MYO1C: variants seen among roughly 807,000 people sequenced by gnomAD.
MYO1C encodes the protein myosin IC.
MYO1C carries 104 observed loss-of-function variants against 150.8 expected under a neutral mutation model. That is an observed-to-expected ratio of 0.69 (90% CI 0.59 to 0.81). The LOEUF (loss-of-function observed/expected upper bound fraction) is 0.81, where lower values mean the gene tolerates loss of function less well. Among genes scored for constraint, MYO1C ranks in the 30% least tolerant of loss-of-function variants. MYO1C has a pLI of 0.00. For synonymous variants in MYO1C, 663 were observed against 579.9 expected (o/e 1.14, Z -2.06); for missense variants, 1,504 against 1,435.0 (o/e 1.05, Z -0.78).
At position 1,492,653 on chromosome 17, in the gene MYO1C, G is replaced by A; in HGVS notation, c.-166C>T. ...AGCCCCAGGGGATGTGGCTGGTCCAGCTCCTCAGGACACGGCTGGAGCCGT... is the reference window on the plus strand; with the variant it reads ...AGCCCCAGGGGATGTGGCTGGTCCAACTCCTCAGGACACGGCTGGAGCCGT... On this transcript the variant is annotated 5_prime_UTR_variant, in exon 1 of 32. Transcript: ENST00000648651. The A allele has an allele frequency of 2.9e-6, 2 of 688,206 alleles. No homozygotes were observed. Among genetic ancestry groups the A allele is most frequent in the Non-Finnish European group, 5.2e-6 (2 of 388,170 alleles). The allele number at this position is 688,206 out of a possible 1,614,324, so 42.6% of individuals were successfully genotyped here.
At chr17:1,485,470 T>G in intron 1 of MYO1C, 1 of 635,008 alleles carries the variant, frequency 1.6e-6, no homozygotes, top group Non-Finnish European at 2.1e-6. Context: ...GGGTCAGGGG[T>G]CTCCGCGTTC....
chr17:1,474,868 G>A lies in MYO1C; in HGVS notation c.1670-10C>T. On this transcript the variant is annotated splice_polypyrimidine_tract_variant and intron_variant, in intron 15 of 31. Transcript: ENST00000648651. ...TTTTTGTCCAGAAACCCTGGGAGGG[G>A]AGAACCGACGTGAGGTGAGACAGAG... 6.2e-7 allele frequency: 1 copy of A among 1,614,108 alleles called. No homozygotes were observed. The highest frequency in any genetic ancestry group is 8.5e-7 in the Non-Finnish European group (1 of 1,179,990).
chr17:1,468,542 C>T (rs1475483199), intron 25 of MYO1C, 46 bp from the exon 26 acceptor site: 1 of 1,514,384 alleles, frequency 6.6e-7, no homozygotes. Context: ...TGGGGAGCAC[C>T]ATCTTGGGGG....
rs746482275 is a variant in MYO1C, at chr17:1,468,046, G to T, written c.2838C>A (p.Ala946=). ...RSRQLLLTPN[A]VVIVEDAKVK... ...CTTTGGCGTCCTCCACGATGACGAC[G>T]GCGTTGGGCGTGAGCAGCAGCTGCC... The change falls in exon 28 of 32, where the codon GCC becomes GCA. Residue 946 remains alanine, a synonymous_variant. Coordinates refer to ENST00000648651, the MANE Select transcript of MYO1C (RefSeq NM_001080779.2). 19 of 1,613,068 alleles carry T rather than the reference G, an allele frequency of 1.2e-5. No individual in the cohort carries two copies. Among genetic ancestry groups the T allele is most frequent in the Middle Eastern group, 3.3e-4 (2 of 6,084 alleles).
At chr17:1,483,218 C>T (rs1053023074) in intron 3 of MYO1C, among the ~76,000 whole-genome samples, 159 bp from the exon 4 acceptor site, 10 of 151,760 alleles carry the variant, frequency 6.6e-5, no homozygotes, top group African/African-American at 7.3e-5. Context: ...ATGGGAGATC[C>T]GTCATAGCTG....
At chr17:1,488,080 C>A (rs535161542) in intron 1 of MYO1C, among the ~76,000 whole-genome samples, 3 of 152,076 alleles carry the variant, frequency 2.0e-5, no homozygotes, top group South Asian at 4.2e-4. Context: ...GTGGGGGACT[C>A]GGGCCGGGGG....
intron 17 of MYO1C, among the ~76,000 whole-genome samples, chr17:1,474,306 T>TATAC (rs1179643138): frequency 6.6e-6 from 1 of 151,520 alleles, no homozygotes; most frequent in Non-Finnish European, 1.5e-5. Flanking sequence ...CAGGCGCCTG[T>TATAC]AATCCCAGCT....
At chr17:1,492,068 G>T in intron 1 of MYO1C, 1 of 362,942 alleles carries the variant, frequency 2.8e-6, no homozygotes, top group Non-Finnish European at 5.3e-6. Flanking sequence ...GGACTGGAGA[G>T]GAGCGGGGCG....
At position 1,470,416 on chromosome 17, in the gene MYO1C, A is replaced by C. The variant is rs2074276667; in HGVS notation, c.2366+19T>G. ...CCACGCCCTGCTCTGCAGCCCCCAC[A>C]AGGCACCCTGGCGCTCACCGCCGGA... On this transcript the variant is annotated intron_variant, in intron 23 of 31. Coordinates refer to ENST00000648651, the MANE Select transcript of MYO1C (RefSeq NM_001080779.2). 6.5e-7 allele frequency: 1 copy of C among 1,549,992 alleles called. No homozygotes were observed. Among genetic ancestry groups the C allele is most frequent in the Admixed American group, 2.0e-5 (1 of 50,980 alleles).
chr17:1,470,172 G>C lies in MYO1C; in HGVS notation c.2526+3C>G. On this transcript the variant is annotated splice_donor_region_variant and intron_variant, in intron 24 of 31. Coordinates refer to ENST00000648651, the MANE Select transcript of MYO1C (RefSeq NM_001080779.2). ...CCTAACTTGGCAGGGGGTGCCCACA[G>C]ACCTCACGCAGGGCAGGTGGGGGCG... The C allele has an allele frequency of 6.2e-7, 1 of 1,608,172 alleles. No homozygotes were observed. The highest frequency in any genetic ancestry group is 2.2e-5 in the East Asian group (1 of 44,852).
chr17:1,474,601 C>T lies in MYO1C; in HGVS notation c.1797+9G>A, dbSNP rs2074365346. 2 of 1,613,638 alleles carry T rather than the reference C, an allele frequency of 1.2e-6. No homozygotes were observed. The highest frequency in any genetic ancestry group is 8.5e-7 in the Non-Finnish European group (1 of 1,179,876). ...TGCACCCCTGCGCCCGGTCCCGCCA[C>T]CTCCTCACCGTCTCTGGCCGCTTCT... On this transcript the variant is annotated intron_variant, in intron 17 of 31. Coordinates refer to ENST00000648651, the MANE Select transcript of MYO1C (RefSeq NM_001080779.2).
At chr17:1,467,089 C>T (rs1412295221) in intron 31 of MYO1C, among the ~76,000 whole-genome samples, 153 bp downstream of exon 31, 5 of 152,214 alleles carry the variant, frequency 3.3e-5, no homozygotes, top group Non-Finnish European at 7.3e-5. Context: ...GGGGCTCTCT[C>T]TGGCCCTCAT....
rs898543514 is a variant in MYO1C at position 1,464,263 on chromosome 17, G to A, written c.*1463C>T. 10 of 152,698 alleles carry A rather than the reference G, an allele frequency of 6.5e-5. No homozygotes were observed. The highest frequency in any genetic ancestry group is 2.2e-4 in the African/African-American group (9 of 41,456). The allele number at this position is 152,698 out of a possible 1,614,324, so 9.5% of individuals were successfully genotyped here. A position where few individuals can be genotyped will look rare whatever the true frequency, so the allele number is the denominator to read the frequency against. ...AGCAGTGGGCTGAGACCCCCAGAAGGGCATAGAGGCAGCTGGGCAGCCCCC... is the reference window on the plus strand; with the variant it reads ...AGCAGTGGGCTGAGACCCCCAGAAGAGCATAGAGGCAGCTGGGCAGCCCCC... On this transcript the variant is annotated 3_prime_UTR_variant, in exon 32 of 32. Transcript: ENST00000648651.
At chr17:1,480,257 G>A (rs1261686283) in intron 7 of MYO1C, among the ~76,000 whole-genome samples, 5 of 151,710 alleles carry the variant, frequency 3.3e-5, no homozygotes, top group African/African-American at 4.8e-5. Flanking sequence ...GACCAGGCTG[G>A]CCAACATGGT....
chr17:1,476,182 C>CT lies in MYO1C; in HGVS notation c.1575-1151dup, dbSNP rs562917604. 3.3e-3 allele frequency among the ~76,000 whole-genome samples: 482 copies of CT among 144,042 alleles called. 3 individuals are homozygous for CT. Among genetic ancestry groups the CT allele is most frequent in the African/African-American group, 6.0e-3 (239 of 39,620 alleles). 94.5% of individuals were successfully genotyped at this position (144,042 alleles called of 152,430 possible). A position where few individuals can be genotyped will look rare whatever the true frequency, so the allele number is the denominator to read the frequency against. On this transcript the variant is annotated intron_variant, in intron 14 of 31. Transcript: ENST00000648651. ...TTCAGAGAGACTCCTAGAAACAAGT[C>CT]TTTTTTTTTTTTTTGAGACGGAGTC...
In MYO1C at chr17:1,471,272, C is replaced by A. The variant is rs749349310; in HGVS notation, c.2086G>T (p.Val696Leu). The change falls in exon 20 of 32, where the codon GTG becomes TTG. Residue 696 changes from valine to leucine, a missense_variant. Transcript: ENST00000648651. The part of the protein sequence containing the change: ...WAGRPQDGVA[V>L]LVRHLGYKPE... ...TTGTAGCCCAGGTGTCGGACCAGCA[C>A]AGCCACCCCATCCTGCGGCCGTCCT... 12 of 1,614,036 alleles carry A rather than the reference C, an allele frequency of 7.4e-6. No homozygotes were observed. In the South Asian group the frequency reaches 8.8e-5, roughly 12 times the overall value.
At chr17:1,475,101 G>C in intron 14 of MYO1C, 69 bp from the exon 15 acceptor site, 1 of 1,493,050 alleles carries the variant, frequency 6.7e-7, no homozygotes, top group Non-Finnish European at 9.1e-7. Context: ...TGCTGAAAGG[G>C]CCTCAGGAGC....
chr17:1,485,021 CCTCGCATGGCTGGGG>C (rs1478142134), intron 1 of MYO1C: 5 of 1,006,200 alleles, frequency 5.0e-6, no homozygotes, highest in Non-Finnish European at 6.8e-6. Flanking sequence ...GGAGGCCCTC[CCTCGCATGGCTGGGG>C]CCACTCCCTT....
chr17:1,490,190 C>T (rs997881732), intron 1 of MYO1C, among the ~76,000 whole-genome samples: 2 of 151,710 alleles, frequency 1.3e-5, no homozygotes, highest in African/African-American at 4.8e-5. Flanking sequence ...ACCAAGTAGT[C>T]ACGACCTGCT....
Sources: allele counts gnomAD v4.1 joint callset (sites outside exome capture counted in the v4.1 genomes callset), GRCh38; gene constraint gnomAD v4.1.1; transcripts MANE v1.5; gene names NCBI Gene and HGNC (gene_info 2026-07-23, HGNC 2026-07-21).